ZFPM2: variants seen among roughly 807,000 people sequenced by gnomAD.
ZFPM2 encodes zinc finger protein, FOG family member 2, also known as zinc finger protein ZFPM2.
In ZFPM2, 20 loss-of-function variants were observed where a neutral mutation model predicts 98.6. The ratio of observed to expected loss-of-function variants is 0.20; its 90% confidence interval spans 0.14 to 0.29. ZFPM2 has a LOEUF of 0.29. Among genes scored for constraint, ZFPM2 ranks in the 10% least tolerant of loss-of-function variants. ZFPM2 has a pLI of 1.00. For missense variants in ZFPM2, 1,310 were observed against 1,388.6 expected (o/e 0.94, Z 0.90); for synonymous variants, 518 against 502.7 (o/e 1.03, Z -0.41).
rs1816237864 is a variant in ZFPM2, at chr8:105,608,353, A to G, written c.421-25893A>G. Among the ~76,000 whole-genome samples, 4 of 152,112 alleles carry G rather than the reference A, an allele frequency of 2.6e-5. No individual in the cohort carries two copies. In the South Asian group the frequency reaches 8.3e-4, roughly 31 times the overall value. Reference sequence around the variant, plus strand: ...AAAAAAAGAAAAAATCCTTAAAAACAAATTTTACTGGTTATTCTTGCATGT... The same window carrying G: ...AAAAAAAGAAAAAATCCTTAAAAACGAATTTTACTGGTTATTCTTGCATGT... On this transcript the variant is annotated intron_variant, in intron 4 of 7. Transcript: ENST00000407775.
rs192766952 is a variant in ZFPM2 at position 105,672,138 on chromosome 8, T to C, written c.532+37781T>C. Among the ~76,000 whole-genome samples, 35 of 152,268 alleles carry C rather than the reference T, an allele frequency of 2.3e-4. 2 individuals carry two copies. The East Asian group carries it at 6.6e-3, about 29-fold the overall frequency. On this transcript the variant is annotated intron_variant, in intron 5 of 7. Transcript: ENST00000407775. ...ATACATTTGTTATTTCTTACTCATA[T>C]AGCATTTTGCTTTGATTTTATACTT...
intron 5 of ZFPM2, chr8:105,782,600 T>TCAAA (rs2131116206): frequency 6.6e-6 from 1 of 152,300 alleles, no homozygotes; most frequent in East Asian, 1.9e-4. Flanking sequence ...AAGATCTTCC[T>TCAAA]CAAACACCAA....
chr8:105,700,026 T>G (rs150625794), intron 5 of ZFPM2, among the ~76,000 whole-genome samples: 40 of 152,326 alleles, frequency 2.6e-4, no homozygotes, highest in South Asian at 6.2e-4. Flanking sequence ...CTGTGTATAA[T>G]AAGGGCTTAT....
chr8:105,656,445 G>A (rs1470929632), intron 5 of ZFPM2, among the ~76,000 whole-genome samples: 9 of 152,114 alleles, frequency 5.9e-5, no homozygotes. Flanking sequence ...ATACAGTTCA[G>A]TTATAAATAA....
intron 3 of ZFPM2, among the ~76,000 whole-genome samples, chr8:105,478,256 C>G (rs1813050490): frequency 1.3e-5 from 2 of 152,144 alleles, no homozygotes. Context: ...GTAGTGTTTT[C>G]TCATTTACTA....
At chr8:105,372,311 G>A (rs1810640064) in intron 1 of ZFPM2, among the ~76,000 whole-genome samples, 1 of 151,928 alleles carries the variant, frequency 6.6e-6, no homozygotes, top group South Asian at 2.1e-4. Context: ...CAAAGTGCTG[G>A]GATTACAGGC....
At chr8:105,747,764 A>G (rs1169779708) in intron 5 of ZFPM2, among the ~76,000 whole-genome samples, 1 of 152,090 alleles carries the variant, frequency 6.6e-6, no homozygotes, top group Non-Finnish European at 1.5e-5. Context: ...GTGTGGAAAC[A>G]CTGGTGAAAA....
In ZFPM2 at chr8:105,802,747, C is replaced by G. The variant is rs146423225; in HGVS notation, c.2665C>G (p.Gln889Glu). ...VTAHQRNDLG[Q>E]LDGKVFPNPE... is the part of the protein sequence containing the mutation. ...TGCACATCAGCGTAATGACCTGGGT[C>G]AACTGGACGGCAAAGTGTTTCCGAA... The change falls in exon 8 of 8, where the codon CAA becomes GAA. Residue 889 changes from glutamine (Q) to glutamate (E), a missense_variant. Transcript: ENST00000407775. The G allele has an allele frequency of 3.1e-3, 4,956 of 1,613,490 alleles. 130 individuals are homozygous for G. The Admixed American group carries it at 0.045, about 15-fold the overall frequency.
At chr8:105,458,906 A>G (rs778930694) in intron 3 of ZFPM2, among the ~76,000 whole-genome samples, 1 of 151,970 alleles carries the variant, frequency 6.6e-6, no homozygotes, top group South Asian at 2.1e-4. Flanking sequence ...TTCCCTTGCC[A>G]TTAAACAATA....
At chr8:105,351,395 G>T (rs1586310034) in intron 1 of ZFPM2, among the ~76,000 whole-genome samples, 1 of 151,732 alleles carries the variant, frequency 6.6e-6, no homozygotes, top group East Asian at 1.9e-4. Flanking sequence ...GTGTGTGTGT[G>T]TGTATGTAAA....
chr8:105,607,375 A>T (rs1816217032), intron 4 of ZFPM2, among the ~76,000 whole-genome samples: 1 of 152,104 alleles, frequency 6.6e-6, no homozygotes, highest in Non-Finnish European at 1.5e-5. Flanking sequence ...TTAATGAGAG[A>T]TCTGAGAAAA....
At chr8:105,409,629 C>G (rs1401408091) in intron 1 of ZFPM2, among the ~76,000 whole-genome samples, 3 of 151,900 alleles carry the variant, frequency 2.0e-5, no homozygotes, top group Non-Finnish European at 4.4e-5. Flanking sequence ...TTATTGTACT[C>G]TTTGTATTAA....
intron 3 of ZFPM2, among the ~76,000 whole-genome samples, chr8:105,465,901 T>C (rs574916553): frequency 2.0e-5 from 3 of 152,096 alleles, no homozygotes; most frequent in East Asian, 3.9e-4. Context: ...AAGGGAAAAT[T>C]TGGATAGACA....
chr8:105,471,814 C>G (rs1812908876), intron 3 of ZFPM2, among the ~76,000 whole-genome samples: 1 of 152,154 alleles, frequency 6.6e-6, no homozygotes, highest in African/African-American at 2.4e-5. Context: ...TTAATTATAA[C>G]TCTATCAGAA....
chr8:105,642,672 C>T (rs1314772409), intron 5 of ZFPM2, among the ~76,000 whole-genome samples: 2 of 152,136 alleles, frequency 1.3e-5, no homozygotes, highest in Non-Finnish European at 2.9e-5. Context: ...GCTCTGCCCA[C>T]GATATGGCCC....
chr8:105,410,273 A>G (rs1811549551), intron 1 of ZFPM2, among the ~76,000 whole-genome samples: 1 of 151,924 alleles, frequency 6.6e-6, no homozygotes, highest in African/African-American at 2.4e-5. Context: ...CATTTCATTC[A>G]TGTAACTGTA....
chr8:105,555,890 A>G (rs1288747313), intron 3 of ZFPM2, among the ~76,000 whole-genome samples: 4 of 152,104 alleles, frequency 2.6e-5, no homozygotes, highest in African/African-American at 7.2e-5. Flanking sequence ...GTTATGGGGG[A>G]GCTAAACTGG....
chr8:105,536,570 TACAA>T (rs1814457850), intron 3 of ZFPM2, among the ~76,000 whole-genome samples: 1 of 152,136 alleles, frequency 6.6e-6, no homozygotes, highest in Admixed American at 6.6e-5. Flanking sequence ...CTGTCCATGT[TACAA>T]ACAATGAGAA....
chr8:105,763,056 C>CTTTTTTTTTTTTTTTTTTTTTTTTTTTTT (rs11453125), intron 5 of ZFPM2, among the ~76,000 whole-genome samples: 1 of 142,002 alleles, frequency 7.0e-6, no homozygotes. Context: ...GACTTTATTT[C>CTTTTTTTTTTTTTTTTTTTTTTTTTTTTT]TTTCTTTTTT....
Sources: gnomAD v4.1 joint callset for allele counts (sites outside exome capture counted in the v4.1 genomes callset) on GRCh38, gnomAD v4.1.1 for gene constraint, MANE v1.5 for transcripts, NCBI Gene and HGNC (gene_info 2026-07-23, HGNC 2026-07-21) for gene names.